CFAP90: variants seen among roughly 807,000 people sequenced by gnomAD.
The protein encoded by CFAP90 is cilia- and flagella-associated protein 90.
At chr5:7,842,189 A>G in the CFAP90 span, among the ~76,000 whole-genome samples, 28 of 151,508 alleles carry the variant, frequency 1.8e-4, no homozygotes, top group Admixed American at 3.9e-4. Flanking sequence ...TTGCACACAA[A>G]TAACTGGGGT....
At chr5:7,836,817 C>T in the CFAP90 span, among the ~76,000 whole-genome samples, 3 of 152,070 alleles carry the variant, frequency 2.0e-5, no homozygotes, top group South Asian at 2.1e-4. Context: ...GGCAGATAAG[C>T]GAACTTTAGA....
At chr5:7,835,510 A>C in the CFAP90 span, 1 of 1,445,272 alleles carries the variant, frequency 6.9e-7, no homozygotes, top group South Asian at 1.2e-5. Flanking sequence ...TAGGAAAAAA[A>C]AGAGAAAGAA....
chr5:7,846,076 T>C, the CFAP90 span, among the ~76,000 whole-genome samples: 1 of 152,162 alleles, frequency 6.6e-6, no homozygotes, highest in East Asian at 1.9e-4. Flanking sequence ...TATACTTGCA[T>C]TGGGCTTACT....
At chr5:7,837,169 C>T in the CFAP90 span, among the ~76,000 whole-genome samples, 1 of 151,688 alleles carries the variant, frequency 6.6e-6, no homozygotes, top group African/African-American at 2.4e-5. Flanking sequence ...AGAAAATGAC[C>T]CATTAACAGA....
chr5:7,845,519 G>A, the CFAP90 span, among the ~76,000 whole-genome samples: 1 of 152,180 alleles, frequency 6.6e-6, no homozygotes, highest in Non-Finnish European at 1.5e-5. Flanking sequence ...CAGCATGAGG[G>A]AAAGCGGATT....
At chr5:7,841,918 C>T in the CFAP90 span, among the ~76,000 whole-genome samples, 1 of 152,026 alleles carries the variant, frequency 6.6e-6, no homozygotes, top group Non-Finnish European at 1.5e-5. Context: ...CTGTACAACC[C>T]ACCATGGCAT....
the CFAP90 span, among the ~76,000 whole-genome samples, chr5:7,843,852 C>A: frequency 6.0e-3 from 908 of 152,256 alleles, 9 homozygotes; most frequent in African/African-American, 0.021. Flanking sequence ...GGGCAAGCTG[C>A]AATATATGTG....
chr5:7,835,267 TA>T, the CFAP90 span: 10,886 of 628,182 alleles, frequency 0.017, 237 homozygotes, highest in East Asian at 0.082. Context: ...TTTCAATTTG[TA>T]AAAAATACAG....
At chr5:7,847,845 G>A in the CFAP90 span, among the ~76,000 whole-genome samples, 1 of 152,188 alleles carries the variant, frequency 6.6e-6, no homozygotes. Context: ...CCTTTCCCTA[G>A]GCAGTAGCTG....
chr5:7,835,334 G>A, the CFAP90 span: 5 of 1,040,060 alleles, frequency 4.8e-6, no homozygotes, highest in African/African-American at 8.1e-5. Context: ...CCTCTATAAA[G>A]TTTTGTTAAT....
At chr5:7,831,152 T>C in the CFAP90 span, 1 of 152,260 alleles carries the variant, frequency 6.6e-6, no homozygotes, top group Non-Finnish European at 1.5e-5. Context: ...CCAAGTTTGT[T>C]GAACACCGAA....
At chr5:7,848,487 A>G in the CFAP90 span, among the ~76,000 whole-genome samples, 1 of 152,178 alleles carries the variant, frequency 6.6e-6, no homozygotes, top group East Asian at 1.9e-4. Flanking sequence ...AACCAACAGA[A>G]TTCACTGTCT....
At chr5:7,842,981 A>G in the CFAP90 span, among the ~76,000 whole-genome samples, 1 of 152,160 alleles carries the variant, frequency 6.6e-6, no homozygotes, top group African/African-American at 2.4e-5. Flanking sequence ...TTTCCATAGC[A>G]CATCCTAGCC....
chr5:7,840,103 T>G, the CFAP90 span, among the ~76,000 whole-genome samples: 1 of 152,206 alleles, frequency 6.6e-6, no homozygotes, highest in Non-Finnish European at 1.5e-5. Flanking sequence ...CCTCAAGGAA[T>G]TGTCTCTATT....
At chr5:7,841,257 G>T in the CFAP90 span, among the ~76,000 whole-genome samples, 1 of 152,100 alleles carries the variant, frequency 6.6e-6, no homozygotes, top group African/African-American at 2.4e-5. Flanking sequence ...TTAGAGAAAC[G>T]CAAATCAAAA....
the CFAP90 span, among the ~76,000 whole-genome samples, chr5:7,847,187 A>T: frequency 3.9e-5 from 6 of 152,138 alleles, no homozygotes; most frequent in Non-Finnish European, 8.8e-5. Context: ...GATTATTACC[A>T]TTGGTAGCTA....
chr5:7,838,461 G>T, the CFAP90 span, among the ~76,000 whole-genome samples: 1 of 152,172 alleles, frequency 6.6e-6, no homozygotes, highest in Non-Finnish European at 1.5e-5. Flanking sequence ...GGGATGGGCC[G>T]CCCAGTAACA....
At chr5:7,844,133 C>T in the CFAP90 span, among the ~76,000 whole-genome samples, 10 of 152,244 alleles carry the variant, frequency 6.6e-5, no homozygotes, top group African/African-American at 2.4e-4. Flanking sequence ...CGACCAACCC[C>T]TTTTTAAGGA....
chr5:7,836,671 G>A, the CFAP90 span, among the ~76,000 whole-genome samples: 20,987 of 152,166 alleles, frequency 0.14, 1,579 homozygotes, highest in Middle Eastern at 0.19. Flanking sequence ...CAGAGCAGAT[G>A]ATGGTCTATG....
Sources: allele counts gnomAD v4.1 joint callset (sites outside exome capture counted in the v4.1 genomes callset), GRCh38; gene constraint gnomAD v4.1.1; transcripts MANE v1.5; gene names NCBI Gene and HGNC (gene_info 2026-07-23, HGNC 2026-07-21).